The following MGAT5 variants were observed in gnomAD, a reference collection of about 807,000 sequenced individuals.
MGAT5 encodes alpha-1,6-mannosylglycoprotein 6-beta-N-acetylglucosaminyltransferase.
A neutral mutation model predicts 94.3 loss-of-function variants in MGAT5; 30 were observed. The observed-to-expected ratio is 0.32, with a 90% CI of 0.24 to 0.43. MGAT5 has a LOEUF of 0.43. Ranked by LOEUF, MGAT5 falls within the 20% of genes least tolerant of loss-of-function variation. The pLI is 1.00. For missense variants in MGAT5, 691 were observed against 905.5 expected, an observed-to-expected ratio of 0.76 and a Z score of 3.04; for synonymous variants, 310 against 322.9, an observed-to-expected ratio of 0.96 and a Z score of 0.43.
At chr2:134,352,904 A>G (rs1463695211) in intron 9 of MGAT5, among the ~76,000 whole-genome samples, 1 of 152,346 alleles carries the variant, frequency 6.6e-6, no homozygotes, top group Non-Finnish European at 1.5e-5. Flanking sequence ...ATATGCTACA[A>G]CATGGATGAA....
chr2:134,422,207 G>A (rs1324961814), intron 12 of MGAT5, among the ~76,000 whole-genome samples: 1 of 152,108 alleles, frequency 6.6e-6, no homozygotes, highest in Non-Finnish European at 1.5e-5. Flanking sequence ...GTCATGGTTT[G>A]CACTTGGTTT....
At chr2:134,341,252 G>T (rs1343188202) in intron 6 of MGAT5, among the ~76,000 whole-genome samples, 1 of 147,744 alleles carries the variant, frequency 6.8e-6, no homozygotes, top group Non-Finnish European at 1.5e-5. Flanking sequence ...AAGTATTTTA[G>T]CTGTAGATAA....
intron 2 of MGAT5, among the ~76,000 whole-genome samples, chr2:134,293,451 C>G (rs1362837315): frequency 1.3e-5 from 2 of 151,786 alleles, no homozygotes; most frequent in Non-Finnish European, 2.9e-5. Context: ...ATTCCTCCCC[C>G]ACTTCTTTGC....
chr2:134,386,299 G>A (rs1178993244), intron 10 of MGAT5, among the ~76,000 whole-genome samples: 1 of 152,072 alleles, frequency 6.6e-6, no homozygotes, highest in East Asian at 1.9e-4. Context: ...TTAAACAAGA[G>A]ACTACATAGA....
intron 14 of MGAT5, 127 bp from the exon 15 acceptor site, chr2:134,441,631 G>A: frequency 8.7e-7 from 1 of 1,143,292 alleles, no homozygotes; most frequent in Non-Finnish European, 1.3e-6. Flanking sequence ...CATCCATGTG[G>A]CTCCCAACTC....
chr2:134,232,788 TG>T (rs1369928006), intron 1 of MGAT5, among the ~76,000 whole-genome samples: 1 of 152,202 alleles, frequency 6.6e-6, no homozygotes, highest in African/African-American at 2.4e-5. Context: ...CATTTAAGAA[TG>T]GCATGGGTCT....
At chr2:134,151,027 T>A (rs1387646125) in intron 1 of MGAT5, among the ~76,000 whole-genome samples, 1 of 152,138 alleles carries the variant, frequency 6.6e-6, no homozygotes, top group Admixed American at 6.5e-5. Flanking sequence ...TGGATTCCCC[T>A]TGCCTCTAGG....
Position 134,235,448 on chromosome 2 carries a change from A to G in MGAT5, c.-142-18814A>G, listed in dbSNP as rs76011914. ...CGTGATACCCAGTGAGGGTTGAGAA[A>G]CGAGTACCTCAGCTTGATCCTTGGG... On this transcript the variant is annotated intron_variant, in intron 1 of 16. Coordinates refer to the MGAT5 transcript ENST00000409645. 4.7e-4 allele frequency among the ~76,000 whole-genome samples: 71 copies of G among 152,270 alleles called. No homozygotes were observed. The East Asian group carries it at 0.013, about 28-fold the overall frequency.
At chr2:134,439,762 T>C (rs1294916133) in intron 14 of MGAT5, among the ~76,000 whole-genome samples, 1 of 151,926 alleles carries the variant, frequency 6.6e-6, no homozygotes, top group Non-Finnish European at 1.5e-5. Context: ...CAGTATGCCC[T>C]CTGGATGCAG....
At chr2:134,324,571 G>A (rs768734113) in intron 4 of MGAT5, among the ~76,000 whole-genome samples, 2 of 152,056 alleles carry the variant, frequency 1.3e-5, no homozygotes, top group Admixed American at 6.6e-5. Context: ...TTGTGAATGC[G>A]AGCATGAAAT....
intron 3 of MGAT5, 67 bp downstream of exon 3, chr2:134,317,672 TTCC>T (rs1687077172): frequency 9.1e-7 from 1 of 1,094,488 alleles, no homozygotes; most frequent in Non-Finnish European, 1.3e-6. Flanking sequence ...TCTCTTCCTT[TTCC>T]TCCTCAGTGA....
upstream of MGAT5, among the ~76,000 whole-genome samples, chr2:134,253,744 T>A (rs1379771507): frequency 6.6e-6 from 1 of 152,226 alleles, no homozygotes; most frequent in Non-Finnish European, 1.5e-5. Flanking sequence ...TGGTGAAAGC[T>A]GGCCATGCTC....
Position 134,375,980 on chromosome 2 carries a change from T to C in MGAT5, c.1380+13572T>C, listed in dbSNP as rs1224526677. 3.9e-5 allele frequency among the ~76,000 whole-genome samples: 6 copies of C among 152,172 alleles called. No homozygotes were observed. In the South Asian group the frequency reaches 1.2e-3, roughly 31 times the overall value. ...GGTCCTGCAGGTTGTCCCCAGGCAC[T>C]CCAGAGAGTAACATTGCCACCATAA... On this transcript the variant is annotated intron_variant, in intron 10 of 15. Transcript: ENST00000281923.
chr2:134,131,961 C>T (rs997541953), intron 1 of MGAT5, among the ~76,000 whole-genome samples: 1 of 152,182 alleles, frequency 6.6e-6, no homozygotes. Flanking sequence ...GTGCTGTCTC[C>T]TGAGCAGGTC....
At chr2:134,325,409 C>G (rs1687584306) in intron 4 of MGAT5, among the ~76,000 whole-genome samples, 1 of 152,078 alleles carries the variant, frequency 6.6e-6, no homozygotes, top group Non-Finnish European at 1.5e-5. Flanking sequence ...CCAGCATGTA[C>G]TACAAAAGAG....
chr2:134,223,828 A>T (rs1267175111), intron 1 of MGAT5, among the ~76,000 whole-genome samples: 3 of 152,194 alleles, frequency 2.0e-5, no homozygotes, highest in Non-Finnish European at 4.4e-5. Flanking sequence ...GGTTTTGCTG[A>T]AGCTTTACCT....
chr2:134,301,221 G>A (rs72978135), intron 2 of MGAT5, among the ~76,000 whole-genome samples: 2,653 of 152,180 alleles, frequency 0.017, 88 homozygotes, highest in African/African-American at 0.06. Flanking sequence ...TTAAAAAATC[G>A]CAGAGCAGTA....
At chr2:134,158,281 A>T (rs1186243375) in intron 1 of MGAT5, among the ~76,000 whole-genome samples, 1 of 152,042 alleles carries the variant, frequency 6.6e-6, no homozygotes, top group East Asian at 1.9e-4. Context: ...TGGCACCTAA[A>T]TTGTGCCAAG....
chr2:134,126,737 G>T (rs1173313296), intron 1 of MGAT5, among the ~76,000 whole-genome samples: 4 of 152,204 alleles, frequency 2.6e-5, no homozygotes, highest in Admixed American at 6.5e-5. Context: ...CAGGCTCATA[G>T]CCTTCTGTGG....
Sources: gnomAD v4.1 joint callset for allele counts (sites outside exome capture counted in the v4.1 genomes callset) on GRCh38, gnomAD v4.1.1 for gene constraint, MANE v1.5 for transcripts, NCBI Gene and HGNC (gene_info 2026-07-23, HGNC 2026-07-21) for gene names.